Variants in GABRA2 observed in about 807,000 individuals in gnomAD.
GABRA2 encodes gamma-aminobutyric acid receptor subunit alpha-2.
Under a neutral mutation model 48.7 loss-of-function variants are expected in GABRA2, and 16 were observed. The ratio of observed to expected loss-of-function variants is 0.33; its 90% CI spans 0.22 to 0.50. The LOEUF (loss-of-function observed/expected upper bound fraction) is 0.50. GABRA2 is among the 20% of genes least tolerant of loss of function. The probability of loss-of-function intolerance (pLI) is 0.98; values close to 1 mark genes in which losing one functional copy is unlikely to be tolerated. For synonymous variants in GABRA2, 185 were observed against 184.5 expected (o/e 1.00, Z -0.02); for missense variants, 275 against 535.6 (o/e 0.51, Z 4.80).
At chr4:46,285,686 CCT>C (rs1722421610) in intron 8 of GABRA2, among the ~76,000 whole-genome samples, 2 of 151,922 alleles carry the variant, frequency 1.3e-5, no homozygotes, top group African/African-American at 4.8e-5. Context: ...CTGTTTATTT[CCT>C]CTCTGTTTTT....
chr4:46,380,942 G>T (rs928326175), intron 3 of GABRA2, among the ~76,000 whole-genome samples: 4 of 152,184 alleles, frequency 2.6e-5, no homozygotes, highest in African/African-American at 9.7e-5. Flanking sequence ...CTCTAAGTCT[G>T]TGTTCAGACC....
chr4:46,339,972 C>T (rs984253788), intron 3 of GABRA2, among the ~76,000 whole-genome samples: 1 of 151,704 alleles, frequency 6.6e-6, no homozygotes, highest in African/African-American at 2.4e-5. Context: ...TTTTCCTCTC[C>T]AAAATCATGG....
chr4:46,254,949 G>T lies in GABRA2; in HGVS notation c.1060-4345C>A, dbSNP rs777472134. On this transcript the variant is annotated intron_variant, in intron 9 of 9. Transcript: ENST00000381620. ...ATAATTAACTCCACATTGTCCCCTG[G>T]TTACCTCCTTACCATAACCAGGCTA... 9.4e-4 allele frequency among the ~76,000 whole-genome samples: 142 copies of T among 151,392 alleles called. 2 individuals carry two copies. Among genetic ancestry groups the T allele is most frequent in the Non-Finnish European group, 1.1e-3 (76 of 67,698 alleles).
rs1366270693 is a variant in GABRA2 at position 46,312,702 on chromosome 4, A to G, written c.270T>C (p.Asp90=). 8 of 1,478,306 alleles carry G rather than the reference A, an allele frequency of 5.4e-6. No homozygotes were observed. In the East Asian group the frequency reaches 1.7e-4, roughly 31 times the overall value. 91.6% of individuals were successfully genotyped at this position (1,478,306 alleles called of 1,614,324 possible). A position where few individuals can be genotyped will look rare whatever the true frequency, so the allele number is the denominator to read the frequency against. The change falls in exon 5 of 10, where the codon GAT becomes GAC. Residue 90 remains aspartate, a synonymous_variant. Coordinates refer to ENST00000381620, the MANE Select transcript of GABRA2 (RefSeq NM_000807.4). ...CTTTCCATTTTTGTCGAAAGAAAAC[A>G]TCAATTGTATATTCCTGAAATAAAA... ...VSDTDMEYTI[D]VFFRQKWKDE... is the part of the protein sequence containing the mutation.
At chr4:46,307,983 T>C (rs944085614) in intron 6 of GABRA2, among the ~76,000 whole-genome samples, 1 of 152,144 alleles carries the variant, frequency 6.6e-6, no homozygotes. Context: ...TTTTACAAAA[T>C]TCATTATAAA....
In GABRA2 at chr4:46,332,624, A is replaced by G. The variant is rs760120792; in HGVS notation, c.246T>C (p.Asp82=). 20 of 1,587,682 alleles carry G rather than the reference A, an allele frequency of 1.3e-5. No individual in the cohort carries two copies. In the African/African-American group the frequency reaches 1.9e-4, roughly 15 times the overall value. ...IYVTSFGPVS[D]TDMEYTIDVF... ...TTAATGAAAAACTCACCATATCTGT[A>G]TCTGAGACAGGGCCAAAACTGGTCA... Residue 82 remains aspartate, a synonymous_variant, in exon 4 of 10, where the codon GAT becomes GAC. Transcript: ENST00000381620.
intron 9 of GABRA2, among the ~76,000 whole-genome samples, chr4:46,257,361 G>A (rs1367648717): frequency 6.6e-6 from 1 of 151,626 alleles, no homozygotes; most frequent in Non-Finnish European, 1.5e-5. Flanking sequence ...ATGTTATGGA[G>A]CTGTGAAGAG....
At chr4:46,320,719 T>C (rs1221069238) in intron 4 of GABRA2, among the ~76,000 whole-genome samples, 1 of 151,890 alleles carries the variant, frequency 6.6e-6, no homozygotes, top group East Asian at 1.9e-4. Context: ...CCTGTTAGGA[T>C]GGTTATTATC....
Position 46,248,540 on chromosome 4 carries a change from C to T in GABRA2, c.*1768G>A, listed in dbSNP as rs993641705. 2 of 151,256 alleles carry T rather than the reference C, an allele frequency of 1.3e-5. No homozygotes were observed. Among genetic ancestry groups the T allele is most frequent in the Non-Finnish European group, 3.0e-5 (2 of 67,574 alleles). 9.4% of individuals were successfully genotyped at this position (151,256 alleles called of 1,614,324 possible). ...TCAAGGCTGTCTTCTTGGCAAATTC[C>T]GTTAATAAGTTGCATTTGTGACCTT... is the stretch of plus-strand genomic sequence containing the variant. On this transcript the variant is annotated 3_prime_UTR_variant, in exon 10 of 10. Transcript: ENST00000381620.
At chr4:46,377,765 G>T (rs9684420) in intron 3 of GABRA2, among the ~76,000 whole-genome samples, 1 of 100,202 alleles carries the variant, frequency 1.0e-5, no homozygotes, top group Non-Finnish European at 2.1e-5. Flanking sequence ...CAGCCGCCCC[G>T]TCCGGGAAGT....
chr4:46,294,338 G>A (rs1038120826), intron 8 of GABRA2, among the ~76,000 whole-genome samples: 5 of 152,210 alleles, frequency 3.3e-5, no homozygotes, highest in African/African-American at 9.6e-5. Flanking sequence ...AAATTTCTAG[G>A]GGTCCAGTAT....
chr4:46,389,358 A>T (rs1243033945), intron 1 of GABRA2: 1 of 985,294 alleles, frequency 1.0e-6, no homozygotes, highest in Non-Finnish European at 1.2e-6. Context: ...GTTCCGATCA[A>T]GTGCTGCGAA....
chr4:46,388,142 G>A (rs1259951571), intron 2 of GABRA2, among the ~76,000 whole-genome samples: 7 of 151,728 alleles, frequency 4.6e-5, no homozygotes, highest in African/African-American at 1.7e-4. Context: ...TTGTGAAGTT[G>A]TATACTACCT....
At chr4:46,252,587 C>T (rs746908652) in intron 9 of GABRA2, among the ~76,000 whole-genome samples, 1 of 151,490 alleles carries the variant, frequency 6.6e-6, no homozygotes, top group Non-Finnish European at 1.5e-5. Flanking sequence ...TTCTAAACCT[C>T]TGCTTTTAAA....
At chr4:46,305,820 A>G in intron 6 of GABRA2, 109 bp from the exon 7 acceptor site, 2 of 736,658 alleles carry the variant, frequency 2.7e-6, no homozygotes, top group South Asian at 2.1e-5. Context: ...TTCAATATTA[A>G]TAGTTAAACA....
At chr4:46,258,420 A>T (rs1716287384) in intron 9 of GABRA2, among the ~76,000 whole-genome samples, 1 of 151,846 alleles carries the variant, frequency 6.6e-6, no homozygotes, top group African/African-American at 2.4e-5. Flanking sequence ...TTTCCTGAGG[A>T]ATTGATATTT....
chr4:46,365,919 T>G (rs778875118), intron 3 of GABRA2: 7 of 152,100 alleles, frequency 4.6e-5, no homozygotes, highest in African/African-American at 7.2e-5. Flanking sequence ...CATATACTCA[T>G]CCCTTCTTCA....
chr4:46,349,637 C>A (rs1214109944), intron 3 of GABRA2, among the ~76,000 whole-genome samples: 1 of 151,836 alleles, frequency 6.6e-6, no homozygotes, highest in Non-Finnish European at 1.5e-5. Flanking sequence ...GCATTCAGAG[C>A]CTTGTTGGCA....
chr4:46,346,380 T>C (rs1734143377), intron 3 of GABRA2, among the ~76,000 whole-genome samples: 1 of 151,688 alleles, frequency 6.6e-6, no homozygotes, highest in Non-Finnish European at 1.5e-5. Flanking sequence ...AAAGGGTCCA[T>C]AAAGGCGGGA....
Sources: allele counts gnomAD v4.1 joint callset (sites outside exome capture counted in the v4.1 genomes callset), GRCh38; gene constraint gnomAD v4.1.1; transcripts MANE v1.5; gene names NCBI Gene and HGNC (gene_info 2026-07-23, HGNC 2026-07-21).